The following FANCB variants were observed in gnomAD, a reference collection of about 807,000 sequenced individuals.
FANCB encodes the protein Fanconi anemia group B protein.
A neutral mutation model predicts 38.9 loss-of-function variants in FANCB; 5 were observed. The ratio of observed to expected loss-of-function variants is 0.13; its 90% CI spans 0.07 to 0.27. The LOEUF (loss-of-function observed/expected upper bound fraction) is 0.27, where lower values mean the gene tolerates loss of function less well. Ranked by LOEUF, FANCB falls within the 10% of genes least tolerant of loss-of-function variation. The pLI is 1.00. For missense variants in FANCB, 573 were observed against 602.7 expected, an observed-to-expected ratio of 0.95 and a Z score of 0.52; for synonymous variants, 236 against 215.4, an observed-to-expected ratio of 1.10 and a Z score of -0.84.
At chrX:14,735,798 A>C in the FANCB span, among the ~76,000 whole-genome samples, 1 of 81,662 alleles carries the variant, frequency 1.2e-5, no homozygotes, top group Non-Finnish European at 2.4e-5. Context: ...CAGAGCTGGC[A>C]GGCAGGAACA....
chrX:14,783,561 G>GA, the FANCB span, among the ~76,000 whole-genome samples: 1 of 112,220 alleles, frequency 8.9e-6, no homozygotes, highest in Admixed American at 9.5e-5. Flanking sequence ...AGCATGCCTG[G>GA]AAAGGGTTTG....
chrX:14,839,938 C>T (rs191386239), downstream of FANCB, among the ~76,000 whole-genome samples: 99 of 110,502 alleles, frequency 9.0e-4, no homozygotes, highest in African/African-American at 3.2e-3. Flanking sequence ...TCACTGCAAC[C>T]GCCGCCTCCA....
At chrX:14,801,046 AAGC>A in the FANCB span, among the ~76,000 whole-genome samples, 1 of 110,689 alleles carries the variant, frequency 9.0e-6, no homozygotes, top group Non-Finnish European at 1.9e-5. Flanking sequence ...ACCGAAGCAG[AAGC>A]AGAAGCAGAA....
rs1278362522 is a variant in FANCB, at chrX:14,843,578, T to A, written c.2569A>T (p.Ser857Cys). ...LKSDFAAQKL[S>C]NL is the part of the protein sequence containing the mutation. ...AATTGAAATTATAATTATAAATTACTCAGTTTCTGTGCAGCAAAGTCTGAT... is the reference window on the plus strand; with the variant it reads ...AATTGAAATTATAATTATAAATTACACAGTTTCTGTGCAGCAAAGTCTGAT... The change falls in exon 10 of 10, where the codon AGT becomes TGT. Residue 857 changes from serine (S) to cysteine (C), a missense_variant. Transcript: ENST00000650831. 5 of 1,163,613 alleles carry A rather than the reference T, an allele frequency of 4.3e-6. No homozygotes were observed. The African/African-American group carries it at 8.9e-5, about 21-fold the overall frequency.
chrX:14,730,482 A>G, the FANCB span: 10 of 1,194,521 alleles, frequency 8.4e-6, no homozygotes, highest in Non-Finnish European at 1.1e-5. Context: ...TCCACAAGAA[A>G]TAGATGTGCC....
chrX:14,720,088 G>A, the FANCB span, among the ~76,000 whole-genome samples: 2 of 111,381 alleles, frequency 1.8e-5, no homozygotes, highest in Admixed American at 9.6e-5. Context: ...AGATACAGAA[G>A]TACAGCTACA....
At position 14,872,487 on chromosome X, in the gene FANCB, A is replaced by G. The variant is rs935374173; in HGVS notation, c.-192+499T>C. 1.8e-5 allele frequency among the ~76,000 whole-genome samples: 2 copies of G among 111,265 alleles called. 1 individual carries two copies. The highest frequency in any genetic ancestry group is 6.5e-5 in the African/African-American group (2 of 30,572). On this transcript the variant is annotated intron_variant, in intron 1 of 9. Coordinates refer to ENST00000650831, the MANE Select transcript of FANCB (RefSeq NM_001018113.3). ...CATTTTGGGCTGGATAACTGTTGTG[A>G]ATTTTCATGTACACTGGAGGATGTT...
At chrX:14,809,357 C>CAT in the FANCB span, among the ~76,000 whole-genome samples, 2 of 112,219 alleles carry the variant, frequency 1.8e-5, no homozygotes, top group African/African-American at 6.5e-5. Context: ...GCACTGTGTG[C>CAT]GAGCTGAAGC....
the FANCB span, among the ~76,000 whole-genome samples, chrX:14,794,036 T>G: frequency 1.8e-5 from 2 of 111,676 alleles, no homozygotes; most frequent in Non-Finnish European, 3.8e-5. Flanking sequence ...TCTGGTTTTT[T>G]GTTTGTTTGT....
chrX:14,798,637 A>G, the FANCB span, among the ~76,000 whole-genome samples: 1 of 112,355 alleles, frequency 8.9e-6, no homozygotes, highest in African/African-American at 3.2e-5. Flanking sequence ...TCAAAAACTT[A>G]TAAATAAAAG....
chrX:14,847,512 G>A (rs2147396594), intron 7 of FANCB, among the ~76,000 whole-genome samples: 1 of 110,760 alleles, frequency 9.0e-6, no homozygotes, highest in African/African-American at 3.3e-5. Flanking sequence ...TCTAACAGAG[G>A]ACTAACTGAA....
the FANCB span, among the ~76,000 whole-genome samples, chrX:14,786,930 C>T: frequency 2.7e-5 from 3 of 111,406 alleles, no homozygotes; most frequent in African/African-American, 3.3e-5. Flanking sequence ...GTGAGTCAAA[C>T]GAAGTGAAAT....
the FANCB span, among the ~76,000 whole-genome samples, chrX:14,826,464 G>A: frequency 3.6e-5 from 4 of 112,367 alleles, no homozygotes; most frequent in African/African-American, 1.3e-4. Flanking sequence ...AATGTATCCA[G>A]TTTTGTCTAG....
At chrX:14,846,191 C>T (rs2092376515) in intron 7 of FANCB, among the ~76,000 whole-genome samples, 1 of 111,524 alleles carries the variant, frequency 9.0e-6, no homozygotes, top group South Asian at 3.7e-4. Flanking sequence ...AAAGAAGATA[C>T]ATCATGATGT....
chrX:14,693,058 G>A, the FANCB span, among the ~76,000 whole-genome samples: 25 of 67,249 alleles, frequency 3.7e-4, no homozygotes, highest in South Asian at 5.5e-4. Flanking sequence ...AAAAAAAAAA[G>A]AAAGAGGGAA....
At chrX:14,751,703 A>G in the FANCB span, among the ~76,000 whole-genome samples, 1 of 111,975 alleles carries the variant, frequency 8.9e-6, no homozygotes, top group Non-Finnish European at 1.9e-5. Flanking sequence ...GAAGGGGATA[A>G]AAGGGTAAAA....
At chrX:14,860,243 A>T (rs1230789927) in intron 3 of FANCB, among the ~76,000 whole-genome samples, 1 of 112,080 alleles carries the variant, frequency 8.9e-6, no homozygotes, top group Non-Finnish European at 1.9e-5. Context: ...AGCTCACATT[A>T]GAGCAAGAAT....
At chrX:14,801,746 C>G in the FANCB span, among the ~76,000 whole-genome samples, 12 of 110,216 alleles carry the variant, frequency 1.1e-4, no homozygotes, top group Non-Finnish European at 1.9e-4. Context: ...GCTCAAAATT[C>G]CCTTCAGTTT....
At chrX:14,791,310 A>T in the FANCB span, among the ~76,000 whole-genome samples, 1 of 111,546 alleles carries the variant, frequency 9.0e-6, no homozygotes, top group Non-Finnish European at 1.9e-5. Context: ...GGATGCACGC[A>T]TGTACACAAG....
Sources: allele counts gnomAD v4.1 joint callset (sites outside exome capture counted in the v4.1 genomes callset), GRCh38; gene constraint gnomAD v4.1.1; transcripts MANE v1.5; gene names NCBI Gene and HGNC (gene_info 2026-07-23, HGNC 2026-07-21).